GABBR1: variants seen among roughly 807,000 people sequenced by gnomAD.
GABBR1 encodes the protein gamma-aminobutyric acid type B receptor subunit 1.
In GABBR1, 35 loss-of-function variants were observed where a neutral mutation model predicts 117.7. That is an observed-to-expected ratio of 0.30 (90% CI 0.23 to 0.39). The LOEUF is 0.39. Ranked by LOEUF, GABBR1 falls within the 10% of genes least tolerant of loss-of-function variation. The pLI is 1.00. For missense variants in GABBR1, 709 were observed against 1,241.8 expected, an observed-to-expected ratio of 0.57 and a Z score of 6.45; for synonymous variants, 442 against 486.6, an observed-to-expected ratio of 0.91 and a Z score of 1.21.
chr6:29,629,133 G>A, intron 4 of GABBR1, 26 bp from the exon 5 acceptor site: 6 of 1,612,944 alleles, frequency 3.7e-6, no homozygotes, highest in Non-Finnish European at 5.1e-6. Flanking sequence ...ACGGGGATCA[G>A]AGAAGAGTTA....
At position 29,603,134 on chromosome 6, in the gene GABBR1, G is replaced by C. The variant is rs1167983626; in HGVS notation, c.*409C>G. ...GAGAGGCCCCTTTGGGGTGGAAAGAGCACTTGTTGGGAGACCCCTGCTGGA... is the reference window on the plus strand; with the variant it reads ...GAGAGGCCCCTTTGGGGTGGAAAGACCACTTGTTGGGAGACCCCTGCTGGA... On this transcript the variant is annotated 3_prime_UTR_variant, in exon 23 of 23. Coordinates refer to ENST00000377034, the MANE Select transcript of GABBR1 (RefSeq NM_001470.4). 2.1e-6 allele frequency: 1 copy of C among 467,840 alleles called. No homozygotes were observed. Among genetic ancestry groups the C allele is most frequent in the Non-Finnish European group, 4.3e-6 (1 of 234,142 alleles). 29.0% of individuals were successfully genotyped at this position (467,840 alleles called of 1,614,324 possible).
At position 29,606,131 on chromosome 6, in the gene GABBR1, C is replaced by T. The variant is rs757459168; in HGVS notation, c.2311+260G>A. The T allele has an allele frequency of 5.4e-6, 3 of 557,146 alleles. No homozygotes were observed. The African/African-American group carries it at 5.6e-5, about 10-fold the overall frequency. 34.5% of individuals were successfully genotyped at this position (557,146 alleles called of 1,614,324 possible). ...AATGTCAAGTCTGGAGGTGGGGTTA[C>T]CCCCACTTGTTCCTCTGCTGAACAC... is the stretch of plus-strand genomic sequence containing the variant. On this transcript the variant is annotated intron_variant, in intron 19 of 22. Transcript: ENST00000377034. This position sits in a 1 kb window ranked among gnomAD's most constrained non-coding sequence, Gnocchi z 4.5.
At position 29,606,779 on chromosome 6, in the gene GABBR1, C is replaced by A; in HGVS notation, c.2217+118G>T. On this transcript the variant is annotated intron_variant, in intron 18 of 22. Coordinates refer to ENST00000377034, the MANE Select transcript of GABBR1 (RefSeq NM_001470.4). The surrounding 1 kb of genome is among the most constrained non-coding windows in gnomAD (Gnocchi z 4.5). ...GGAAGGAAAGGAAGAGCTTCCAATA[C>A]GAGGAAGGCACTCTCTCCAAGTAGC... is the stretch of plus-strand genomic sequence containing the variant. 1.3e-6 allele frequency: 1 copy of A among 797,656 alleles called. No homozygotes were observed. Among genetic ancestry groups the A allele is most frequent in the South Asian group, 1.7e-5 (1 of 59,010 alleles). 49.4% of individuals were successfully genotyped at this position (797,656 alleles called of 1,614,324 possible).
At position 29,604,764 on chromosome 6, in the gene GABBR1, A is replaced by T; in HGVS notation, c.2568+96T>A. On this transcript the variant is annotated intron_variant, in intron 21 of 22. Transcript: ENST00000377034. This position sits in a 1 kb window ranked among gnomAD's most constrained non-coding sequence, Gnocchi z 5.3. Reference sequence around the variant, plus strand: ...CCAAAACAAGGGGAGGAGTGAGAGGAGGGTGAACGGAAGGGCAGAGGAACT... The same window carrying T: ...CCAAAACAAGGGGAGGAGTGAGAGGTGGGTGAACGGAAGGGCAGAGGAACT... The T allele has an allele frequency of 1.3e-6, 2 of 1,583,672 alleles. No individual in the cohort carries two copies. Among genetic ancestry groups the T allele is most frequent in the Non-Finnish European group, 1.7e-6 (2 of 1,160,078 alleles).
chr6:29,613,458 T>C lies in GABBR1; in HGVS notation c.1351A>G (p.Thr451Ala). ...MTSQEFVEKL[T>A]KRLKRHPEET... ...TCAGGGTGTCTTTTCAGTCGCTTGG[T>C]TAGTTTCTCCACAAATTCCTGGGAT... is the stretch of plus-strand genomic sequence containing the variant. The change falls in exon 12 of 23, where the codon ACC becomes GCC. Residue 451 changes from threonine (T) to alanine (A), a missense_variant. Thr to Ala is a moderately conservative substitution (Grantham distance 58). Transcript: ENST00000377034. The surrounding 1 kb of genome is among the most constrained non-coding windows in gnomAD (Gnocchi z 4.1). 6.2e-7 allele frequency: 1 copy of C among 1,612,964 alleles called. No individual in the cohort carries two copies. The highest frequency in any genetic ancestry group is 8.5e-7 in the Non-Finnish European group (1 of 1,179,940).
chr6:29,602,784 AC>A lies in GABBR1; in HGVS notation c.*758del, dbSNP rs1414911850. 1.4e-5 allele frequency: 5 copies of A among 349,830 alleles called. No homozygotes were observed. Among genetic ancestry groups the A allele is most frequent in the Middle Eastern group, 1.0e-3 (1 of 954 alleles). 21.7% of individuals were successfully genotyped at this position (349,830 alleles called of 1,614,324 possible). A position where few individuals can be genotyped will look rare whatever the true frequency, so the allele number is the denominator to read the frequency against. Reference sequence around the variant, plus strand: ...CATGCTAGACAAATTGCACATGCCTACCCAAACACGCTCAAGGGCAGACCCA... The same window carrying A: ...CATGCTAGACAAATTGCACATGCCTACCAAACACGCTCAAGGGCAGACCCA... On this transcript the variant is annotated 3_prime_UTR_variant, in exon 23 of 23. Coordinates refer to ENST00000377034, the MANE Select transcript of GABBR1 (RefSeq NM_001470.4).
In GABBR1 at chr6:29,616,897, C is replaced by T. The variant is rs573544895; in HGVS notation, c.1324-3412G>A. On this transcript the variant is annotated intron_variant, in intron 11 of 22. Transcript: ENST00000377034. ...GCGCGGTGGCTCACGCCTGTAATCCCAGCATTTTGGGAGGCCGAGGCGGGC... is the reference window on the plus strand; with the variant it reads ...GCGCGGTGGCTCACGCCTGTAATCCTAGCATTTTGGGAGGCCGAGGCGGGC... Among the ~76,000 whole-genome samples the T allele has an allele frequency of 2.0e-5, 3 of 148,118 alleles. No individual in the cohort carries two copies. The Admixed American group carries it at 2.0e-4, about 10-fold the overall frequency.
At chr6:29,617,015 GGATA>G (rs1255847795) in intron 11 of GABBR1, among the ~76,000 whole-genome samples, 3 of 147,694 alleles carry the variant, frequency 2.0e-5, no homozygotes, top group Non-Finnish European at 4.5e-5. Context: ...AAAGTCTGTT[GGATA>G]GATAAATGGA....
intron 11 of GABBR1, among the ~76,000 whole-genome samples, chr6:29,614,449 A>G (rs1040328550): frequency 6.6e-6 from 1 of 152,256 alleles, no homozygotes; most frequent in Non-Finnish European, 1.5e-5. Context: ...AATGAAGAAT[A>G]AATAAATAAC....
chr6:29,625,701 A>G (rs17184416), intron 6 of GABBR1, among the ~76,000 whole-genome samples: 14,877 of 152,088 alleles, frequency 0.098, 852 homozygotes, highest in Middle Eastern at 0.21. Context: ...CCCAGGTCCC[A>G]CGTCTGCTCC....
rs773414149 is a variant in GABBR1 at position 29,622,081 on chromosome 6, C to A, written c.1065+23G>T. ...CAGCTTGGTCCCTCCGTAAACAGAG[C>A]CCACCACTCCCAGCCATCTGACCTT... On this transcript the variant is annotated intron_variant, in intron 9 of 22. Transcript: ENST00000377034. This position sits in a 1 kb window ranked among gnomAD's most constrained non-coding sequence, Gnocchi z 4.6. 1 of 1,593,938 alleles carries A rather than the reference C, an allele frequency of 6.3e-7. No homozygotes were observed. Among genetic ancestry groups the A allele is most frequent in the African/African-American group, 1.3e-5 (1 of 74,494 alleles).
Position 29,622,332 on chromosome 6 carries a change from C to G in GABBR1, c.964-127G>C, listed in dbSNP as rs1487198329. ...CAAAGAAGCAGCCATTCTGAACCTT[C>G]CTTCAACAGCTTCTGTCCCTGAAGT... On this transcript the variant is annotated intron_variant, in intron 8 of 22. Coordinates refer to ENST00000377034, the MANE Select transcript of GABBR1 (RefSeq NM_001470.4). This position sits in a 1 kb window ranked among gnomAD's most constrained non-coding sequence, Gnocchi z 4.6. The G allele has an allele frequency of 1.5e-6, 1 of 668,730 alleles. No individual in the cohort carries two copies. Among genetic ancestry groups the G allele is most frequent in the African/African-American group, 1.8e-5 (1 of 55,850 alleles). 41.4% of individuals were successfully genotyped at this position (668,730 alleles called of 1,614,324 possible). A position where few individuals can be genotyped will look rare whatever the true frequency, so the allele number is the denominator to read the frequency against.
At position 29,627,774 on chromosome 6, in the gene GABBR1, A is replaced by G; in HGVS notation, c.497-128T>C. 2.7e-6 allele frequency: 4 copies of G among 1,465,664 alleles called. No individual in the cohort carries two copies. The highest frequency in any genetic ancestry group is 3.6e-6 in the Non-Finnish European group (4 of 1,115,126). 90.8% of individuals were successfully genotyped at this position (1,465,664 alleles called of 1,614,324 possible). The stretch of plus-strand genomic sequence containing the variant: ...GCAGTGGCCACCCCACCCGGGCAAA[A>G]GGGGCCCCGGGCCCCATGGCGTGGG... On this transcript the variant is annotated intron_variant, in intron 5 of 22. Coordinates refer to ENST00000377034, the MANE Select transcript of GABBR1 (RefSeq NM_001470.4). The surrounding 1 kb of genome is among the most constrained non-coding windows in gnomAD (Gnocchi z 4.4).
chr6:29,617,305 T>C (rs866759302), intron 11 of GABBR1, among the ~76,000 whole-genome samples: 29 of 114,636 alleles, frequency 2.5e-4, no homozygotes, highest in Non-Finnish European at 2.5e-4. Context: ...TTCTTTCTTT[T>C]TTTTTTTTTT....
chr6:29,632,275 C>T lies in GABBR1; in HGVS notation c.85+26G>A. On this transcript the variant is annotated intron_variant, in intron 2 of 22. Coordinates refer to ENST00000377034, the MANE Select transcript of GABBR1 (RefSeq NM_001470.4). This position sits in a 1 kb window ranked among gnomAD's most constrained non-coding sequence, Gnocchi z 5.8. ...GAAAGGGAAGTGGAGCGAAGGAGGGCCGGAGGTCGTCGAAGAAGGATGCAC... is the reference window on the plus strand; with the variant it reads ...GAAAGGGAAGTGGAGCGAAGGAGGGTCGGAGGTCGTCGAAGAAGGATGCAC... 7.5e-7 allele frequency: 1 copy of T among 1,331,726 alleles called. No homozygotes were observed. 82.5% of individuals were successfully genotyped at this position (1,331,726 alleles called of 1,614,324 possible). A position where few individuals can be genotyped will look rare whatever the true frequency, so the allele number is the denominator to read the frequency against.
intron 11 of GABBR1, among the ~76,000 whole-genome samples, chr6:29,616,886 G>A (rs41291758): frequency 0.046 from 6,519 of 142,908 alleles, 205 homozygotes; most frequent in South Asian, 0.12. Context: ...GGTGGCTCAC[G>A]CCTGTAATCC....
At position 29,605,739 on chromosome 6, in the gene GABBR1, A is replaced by G; in HGVS notation, c.2312-43T>C. 4 of 1,602,030 alleles carry G rather than the reference A, an allele frequency of 2.5e-6. No homozygotes were observed. The highest frequency in any genetic ancestry group is 3.4e-6 in the Non-Finnish European group (4 of 1,177,678). On this transcript the variant is annotated intron_variant, in intron 19 of 22. Transcript: ENST00000377034. This position sits in a 1 kb window ranked among gnomAD's most constrained non-coding sequence, Gnocchi z 4.2. ...AGTCACTTGAGCAACAAGGACCACA[A>G]TGCTCCTCACTCAATCCCCATCCCC...
chr6:29,627,917 G>T lies in GABBR1; in HGVS notation c.497-271C>A. On this transcript the variant is annotated intron_variant, in intron 5 of 22. Coordinates refer to ENST00000377034, the MANE Select transcript of GABBR1 (RefSeq NM_001470.4). This position sits in a 1 kb window ranked among gnomAD's most constrained non-coding sequence, Gnocchi z 4.4. ...TCCCTGATTTTGTGGGGAGGAGGGG[G>T]CGAGGGCCCCGGAGAAGCAGGGAAG... is the stretch of plus-strand genomic sequence containing the variant. The T allele has an allele frequency of 7.3e-7, 1 of 1,362,020 alleles. No homozygotes were observed. Among genetic ancestry groups the T allele is most frequent in the Middle Eastern group, 2.7e-4 (1 of 3,768 alleles). 84.4% of individuals were successfully genotyped at this position (1,362,020 alleles called of 1,614,324 possible).
At chr6:29,612,445 G>A in intron 13 of GABBR1, 106 bp downstream of exon 13, 1 of 796,300 alleles carries the variant, frequency 1.3e-6, no homozygotes, top group East Asian at 2.6e-5. Flanking sequence ...AAGTTGGGAG[G>A]TGCCAGGGCA....
Sources: allele counts gnomAD v4.1 joint callset (sites outside exome capture counted in the v4.1 genomes callset), GRCh38; gene constraint gnomAD v4.1.1; non-coding constraint Gnocchi (gnomAD v3.1); transcripts MANE v1.5; gene names NCBI Gene and HGNC (gene_info 2026-07-23, HGNC 2026-07-21).